The following SHANK2 variants were observed in gnomAD, a reference collection of about 807,000 sequenced individuals.
The protein encoded by SHANK2 is SH3 and multiple ankyrin repeat domains 2.
A neutral mutation model predicts 133.7 loss-of-function variants in SHANK2; 43 were observed. The ratio of observed to expected loss-of-function variants is 0.32; its 90% confidence interval spans 0.25 to 0.41. The LOEUF is 0.41. Among genes scored for constraint, SHANK2 ranks in the 10% least tolerant of loss-of-function variants. The pLI is 1.00. For missense variants in SHANK2, 1,994 were observed against 2,235.8 expected (o/e 0.89, Z 2.18); for synonymous variants, 1,017 against 952.8 (o/e 1.07, Z -1.24).
intron 10 of SHANK2, among the ~76,000 whole-genome samples, chr11:70,931,055 A>T (rs1486827600): frequency 2.0e-5 from 3 of 152,160 alleles, no homozygotes; most frequent in South Asian, 2.1e-4. Context: ...TGAAGCCCCA[A>T]CACACGCTAA....
At chr11:70,526,039 C>T (rs1305716559) in intron 17 of SHANK2, among the ~76,000 whole-genome samples, 2 of 136,620 alleles carry the variant, frequency 1.5e-5, no homozygotes, top group African/African-American at 2.7e-5. Flanking sequence ...CTGGCCAGCA[C>T]TCACATTAAA....
At chr11:70,798,356 G>A in intron 14 of SHANK2, 87 bp downstream of exon 14, 1 of 700,498 alleles carries the variant, frequency 1.4e-6, no homozygotes, top group Non-Finnish European at 2.6e-6. Flanking sequence ...CGACGCAACG[G>A]CCGAATCTTG....
At chr11:71,112,181 G>A (rs1367973972) in intron 5 of SHANK2, among the ~76,000 whole-genome samples, 1 of 152,200 alleles carries the variant, frequency 6.6e-6, no homozygotes, top group African/African-American at 2.4e-5. Context: ...ATCACCTAAA[G>A]TCAGGAGTTT....
At chr11:70,766,329 T>C (rs1465829291) in intron 14 of SHANK2, among the ~76,000 whole-genome samples, 2 of 152,196 alleles carry the variant, frequency 1.3e-5, no homozygotes, top group Non-Finnish European at 2.9e-5. Context: ...GACAGAGAAA[T>C]ATGCCTCTGT....
intron 17 of SHANK2, among the ~76,000 whole-genome samples, chr11:70,523,117 C>T (rs572887150): frequency 1.5e-4 from 23 of 152,314 alleles, no homozygotes; most frequent in East Asian, 5.8e-4. Flanking sequence ...TGCTCCTCCC[C>T]GAGCATCAAA....
At chr11:71,248,748 G>T (rs1948129823) in intron 1 of SHANK2, among the ~76,000 whole-genome samples, 1 of 152,180 alleles carries the variant, frequency 6.6e-6, no homozygotes, top group South Asian at 2.1e-4. Flanking sequence ...CCCATGTTCA[G>T]TCCCAGGAGG....
rs948632923 is a variant in SHANK2, at chr11:70,617,797, A to G, written c.2061+42031T>C. On this transcript the variant is annotated intron_variant, in intron 17 of 25. Coordinates refer to ENST00000601538, the MANE Select transcript of SHANK2 (RefSeq NM_012309.5). ...GAAATGTTTGATTCAAAGAGAACAC[A>G]TGGACACAGGAAGGGGAACATCACA... is the stretch of plus-strand genomic sequence containing the variant. Among the ~76,000 whole-genome samples, 26 of 152,146 alleles carry G rather than the reference A, an allele frequency of 1.7e-4. 1 individual carries two copies. Among genetic ancestry groups the G allele is most frequent in the African/African-American group, 5.1e-4 (21 of 41,440 alleles).
intron 17 of SHANK2, among the ~76,000 whole-genome samples, chr11:70,606,147 A>C (rs1321465103): frequency 6.6e-6 from 1 of 152,090 alleles, no homozygotes; most frequent in Non-Finnish European, 1.5e-5. Context: ...ATACCAGCAA[A>C]GACCCCACTC....
chr11:70,489,124 G>A, intron 24 of SHANK2: 1 of 594,586 alleles, frequency 1.7e-6, no homozygotes, highest in Non-Finnish European at 3.0e-6. Context: ...TTCGATAAGG[G>A]TATTCCAAAT....
chr11:70,805,076 C>T (rs1948130927), intron 13 of SHANK2, among the ~76,000 whole-genome samples: 1 of 152,206 alleles, frequency 6.6e-6, no homozygotes, highest in Non-Finnish European at 1.5e-5. Flanking sequence ...CCACAGATGC[C>T]CAGCCCCAGG....
Position 71,247,240 on chromosome 11 carries a change from T to A in SHANK2, c.-113+5185A>T, listed in dbSNP as rs145417139. Among the ~76,000 whole-genome samples the A allele has an allele frequency of 5.9e-5, 9 of 151,940 alleles. No individual in the cohort carries two copies. The East Asian group carries it at 1.7e-3, about 29-fold the overall frequency. On this transcript the variant is annotated intron_variant, in intron 1 of 25. Coordinates refer to ENST00000601538, the MANE Select transcript of SHANK2 (RefSeq NM_012309.5). ...GGTTTATATCACAGTGGGTAAAGAG[T>A]CAGGCAACAGTTCCTTTTAAAATAT... is the stretch of plus-strand genomic sequence containing the variant.
Position 70,496,573 on chromosome 11 carries a change from G to A in SHANK2, c.2308+3997C>T, listed in dbSNP as rs180831766. 4.3e-4 allele frequency among the ~76,000 whole-genome samples: 66 copies of A among 152,340 alleles called. No homozygotes were observed. The East Asian group carries it at 4.8e-3, about 11-fold the overall frequency. On this transcript the variant is annotated intron_variant, in intron 21 of 25. Coordinates refer to ENST00000601538, the MANE Select transcript of SHANK2 (RefSeq NM_012309.5). Reference sequence around the variant, plus strand: ...GTCCCTGAATCTGGTGGAAGTTCTGGGCCGATCATCCTGTTTCTCATCCTA... The same window carrying A: ...GTCCCTGAATCTGGTGGAAGTTCTGAGCCGATCATCCTGTTTCTCATCCTA...
intron 10 of SHANK2, among the ~76,000 whole-genome samples, chr11:70,948,619 C>T (rs1950788786): frequency 6.6e-6 from 1 of 152,218 alleles, no homozygotes; most frequent in Non-Finnish European, 1.5e-5. Flanking sequence ...ACTGCGTGCC[C>T]TCAGCAGGGC....
chr11:71,114,239 T>C (rs1951939082), intron 4 of SHANK2, among the ~76,000 whole-genome samples: 1 of 152,152 alleles, frequency 6.6e-6, no homozygotes, highest in African/African-American at 2.4e-5. Context: ...GAATGTGAGC[T>C]TCCTGGCACA....
chr11:71,154,126 A>G (rs782542896), intron 2 of SHANK2, among the ~76,000 whole-genome samples: 9 of 152,196 alleles, frequency 5.9e-5, no homozygotes, highest in Non-Finnish European at 1.2e-4. Context: ...TTGTGACTAC[A>G]CATTTCATTT....
intron 3 of SHANK2, among the ~76,000 whole-genome samples, chr11:71,130,602 G>A (rs1241189823): frequency 6.6e-6 from 1 of 152,102 alleles, no homozygotes; most frequent in Non-Finnish European, 1.5e-5. Context: ...CTGTGGAAAG[G>A]GCCATCTACA....
At position 70,690,488 on chromosome 11, in the gene SHANK2, G is replaced by GTTTTTTTT. The variant is rs35737323; in HGVS notation, c.1853+8192_1853+8199dup. The stretch of plus-strand genomic sequence containing the variant: ...ATCATCATAATGTAATACTTCCCAT[G>GTTTTTTTT]TTTTTTTTTTTTTTTTTTTTTTTTT... On this transcript the variant is annotated intron_variant, in intron 15 of 25. Transcript: ENST00000601538. Among the ~76,000 whole-genome samples, 20 of 32,816 alleles carry GTTTTTTTT rather than the reference G, an allele frequency of 6.1e-4. 2 individuals carry two copies. The highest frequency in any genetic ancestry group is 2.4e-3 in the Admixed American group (4 of 1,662). 21.5% of individuals were successfully genotyped at this position (32,816 alleles called of 152,430 possible).
chr11:70,677,814 G>T (rs551107599), intron 15 of SHANK2, among the ~76,000 whole-genome samples: 1 of 152,172 alleles, frequency 6.6e-6, no homozygotes, highest in Non-Finnish European at 1.5e-5. Flanking sequence ...GGGTCCTTGC[G>T]TACCCATTTC....
In SHANK2 at chr11:70,596,936, A is replaced by G. The variant is rs368184230; in HGVS notation, c.2061+62892T>C. On this transcript the variant is annotated intron_variant, in intron 17 of 25. Coordinates refer to ENST00000601538, the MANE Select transcript of SHANK2 (RefSeq NM_012309.5). ...ATGACTGAGGTCTCCTATGGTCTAT[A>G]TCTATTTTGCAAGCGCAGACATCCT... Among the ~76,000 whole-genome samples the G allele has an allele frequency of 2.0e-4, 30 of 152,238 alleles. No individual in the cohort carries two copies. The South Asian group carries it at 5.6e-3, about 28-fold the overall frequency.
Sources: gnomAD v4.1 joint callset for allele counts (sites outside exome capture counted in the v4.1 genomes callset) on GRCh38, gnomAD v4.1.1 for gene constraint, MANE v1.5 for transcripts, NCBI Gene and HGNC (gene_info 2026-07-23, HGNC 2026-07-21) for gene names.